The following CNTNAP5 variants were observed in gnomAD, a reference collection of about 807,000 sequenced individuals.
CNTNAP5 encodes the protein contactin-associated protein-like 5.
Under a neutral mutation model 150.2 loss-of-function variants are expected in CNTNAP5, and 72 were observed. The ratio of observed to expected loss-of-function variants is 0.48; its 90% CI spans 0.40 to 0.58. CNTNAP5 has a LOEUF of 0.58. Among genes scored for constraint, CNTNAP5 ranks in the 20% least tolerant of loss-of-function variants. The pLI is 0.00. For synonymous variants in CNTNAP5, 672 were observed against 619.8 expected (o/e 1.08, Z -1.25); for missense variants, 1,636 against 1,626.2 (o/e 1.01, Z -0.10).
chr2:124,790,556 A>C lies in CNTNAP5; in HGVS notation c.2992+415A>C, dbSNP rs193109531. ...AAGCCATCTTAAATTATTTTTTACA[A>C]CAAAGAGAATATCAGTAAATTAGTA... On this transcript the variant is annotated intron_variant, in intron 18 of 23. Transcript: ENST00000682447. Among the ~76,000 whole-genome samples, 5 of 152,332 alleles carry C rather than the reference A, an allele frequency of 3.3e-5. No homozygotes were observed. The East Asian group carries it at 9.7e-4, about 29-fold the overall frequency.
chr2:124,446,664 G>A (rs1692823823), intron 5 of CNTNAP5, 89 bp from the exon 6 acceptor site: 3 of 1,290,738 alleles, frequency 2.3e-6, no homozygotes, highest in Non-Finnish European at 3.3e-6. Context: ...CTTTAGAACA[G>A]ATATAGCTGC....
At chr2:124,732,441 A>G (rs2105128530) in intron 13 of CNTNAP5, among the ~76,000 whole-genome samples, 1 of 152,274 alleles carries the variant, frequency 6.6e-6, no homozygotes, top group Non-Finnish European at 1.5e-5. Context: ...CCATGAGGAT[A>G]AAGTTCTCAC....
intron 7 of CNTNAP5, among the ~76,000 whole-genome samples, chr2:124,486,836 T>C (rs943026182): frequency 1.3e-5 from 2 of 152,234 alleles, no homozygotes; most frequent in African/African-American, 4.8e-5. Flanking sequence ...ATGTAATTTA[T>C]TACATTAAAA....
chr2:124,432,186 G>C (rs540960580), intron 4 of CNTNAP5, among the ~76,000 whole-genome samples: 2 of 152,300 alleles, frequency 1.3e-5, no homozygotes, highest in South Asian at 4.1e-4. Context: ...CTGTCTATGG[G>C]GGTGGGACAA....
intron 1 of CNTNAP5, among the ~76,000 whole-genome samples, chr2:124,049,470 C>T (rs1237423325): frequency 6.6e-6 from 1 of 152,136 alleles, no homozygotes; most frequent in East Asian, 1.9e-4. Flanking sequence ...TTAGACTTTT[C>T]AGTATACAGA....
intron 1 of CNTNAP5, among the ~76,000 whole-genome samples, chr2:124,053,366 A>C (rs1681759481): frequency 6.6e-6 from 1 of 152,166 alleles, no homozygotes; most frequent in Admixed American, 6.5e-5. Context: ...ATAGAAACTA[A>C]ATACTTGTAC....
intron 3 of CNTNAP5, among the ~76,000 whole-genome samples, chr2:124,267,673 G>T (rs531497558): frequency 6.6e-6 from 1 of 152,202 alleles, no homozygotes; most frequent in East Asian, 1.9e-4. Flanking sequence ...AGAATGACTT[G>T]CATTGTTTAT....
At chr2:124,385,790 C>T (rs1266088892) in intron 3 of CNTNAP5, among the ~76,000 whole-genome samples, 2 of 152,202 alleles carry the variant, frequency 1.3e-5, no homozygotes, top group East Asian at 3.9e-4. Flanking sequence ...TGTCCCATCC[C>T]CAAGAAGTGC....
intron 4 of CNTNAP5, among the ~76,000 whole-genome samples, chr2:124,421,861 C>T (rs993391067): frequency 6.6e-6 from 1 of 152,198 alleles, no homozygotes; most frequent in Non-Finnish European, 1.5e-5. Flanking sequence ...TGCCTTCCTT[C>T]TTGTACACCC....
At chr2:124,359,439 T>C (rs1006401644) in intron 3 of CNTNAP5, among the ~76,000 whole-genome samples, 7 of 152,064 alleles carry the variant, frequency 4.6e-5, no homozygotes, top group Non-Finnish European at 7.3e-5. Flanking sequence ...CTTGTGGGCA[T>C]TTAGTGCTAT....
intron 13 of CNTNAP5, among the ~76,000 whole-genome samples, chr2:124,679,525 ACAGAGTTGAT>A (rs1381990350): frequency 6.6e-6 from 1 of 151,682 alleles, no homozygotes; most frequent in African/African-American, 2.4e-5. Flanking sequence ...ATGATAAGTG[ACAGAGTTGAT>A]CCTAGAACCC....
chr2:124,230,387 TACA>T (rs1686584626), intron 2 of CNTNAP5, among the ~76,000 whole-genome samples: 1 of 152,070 alleles, frequency 6.6e-6, no homozygotes, highest in Non-Finnish European at 1.5e-5. Flanking sequence ...TAAACAACAC[TACA>T]ACGTCTGCTC....
chr2:124,093,502 T>TA (rs956019034), intron 1 of CNTNAP5, among the ~76,000 whole-genome samples: 2 of 152,242 alleles, frequency 1.3e-5, no homozygotes, highest in African/African-American at 4.8e-5. Context: ...TGATTCTTGG[T>TA]AAATGCCTGA....
At chr2:124,170,403 C>CT (rs980916347) in intron 1 of CNTNAP5, among the ~76,000 whole-genome samples, 1 of 152,186 alleles carries the variant, frequency 6.6e-6, no homozygotes, top group Non-Finnish European at 1.5e-5. Flanking sequence ...CCTGAGTTAG[C>CT]TTTTCAGAAA....
chr2:124,911,518 G>A lies in CNTNAP5; in HGVS notation c.3707G>A (p.Ser1236Asn). ...EREPLTNAVRSDSAVIGGVIA... is the reference protein window; with the variant it reads ...EREPLTNAVRNDSAVIGGVIA... ...GAACCACTCACAAATGCTGTTCGAA[G>A]TGATTCGGCAGTCATCGGAGGTAAA... The change falls in exon 23 of 24, where the codon AGT becomes AAT. Residue 1236 changes from serine to asparagine, a missense_variant. By Grantham distance (46) the Ser-to-Asn change is conservative. Coordinates refer to ENST00000682447, the MANE Select transcript of CNTNAP5 (RefSeq NM_001367498.1). 6.2e-7 allele frequency: 1 copy of A among 1,601,582 alleles called. No homozygotes were observed. Among genetic ancestry groups the A allele is most frequent in the Non-Finnish European group, 8.5e-7 (1 of 1,173,576 alleles).
Position 124,242,259 on chromosome 2 carries a change from G to C in CNTNAP5, c.247G>C (p.Gly83Arg). 3 of 1,606,684 alleles carry C rather than the reference G, an allele frequency of 1.9e-6. No homozygotes were observed. Among genetic ancestry groups the C allele is most frequent in the Non-Finnish European group, 1.7e-6 (2 of 1,176,426 alleles). Residue 83 changes from glycine to arginine, a missense_variant, in exon 3 of 24, where the codon GGA becomes CGA. Transcript: ENST00000682447. The part of the protein sequence containing the change: ...NAQQWLQMDL[G>R]NRVEITAVAT... ...TCAACAGTGGCTCCAGATGGACCTG[G>C]GAAACAGAGTAGAGATTACAGCAGT...
chr2:124,361,243 CT>C (rs1371175563), intron 3 of CNTNAP5, among the ~76,000 whole-genome samples: 1 of 143,550 alleles, frequency 7.0e-6, no homozygotes, highest in Non-Finnish European at 1.5e-5. Flanking sequence ...ACTTCTTTGC[CT>C]TTGGTTTGAA....
chr2:124,759,378 A>T (rs1365156595), intron 14 of CNTNAP5, among the ~76,000 whole-genome samples: 2 of 146,550 alleles, frequency 1.4e-5, no homozygotes, highest in Non-Finnish European at 3.0e-5. Flanking sequence ...TATATTTATT[A>T]TATATATATA....
intron 11 of CNTNAP5, among the ~76,000 whole-genome samples, chr2:124,575,108 C>T (rs750604390): frequency 2.0e-5 from 3 of 152,098 alleles, no homozygotes; most frequent in African/African-American, 4.8e-5. Context: ...GAGGCAAGTA[C>T]GCTTTAATGT....
Sources: allele counts gnomAD v4.1 joint callset (sites outside exome capture counted in the v4.1 genomes callset), GRCh38; gene constraint gnomAD v4.1.1; transcripts MANE v1.5; gene names NCBI Gene and HGNC (gene_info 2026-07-23, HGNC 2026-07-21).